Variants in TMEM116 observed in about 807,000 individuals in gnomAD.
TMEM116 encodes the protein transmembrane protein 116.
Under a neutral mutation model 44.3 loss-of-function variants are expected in TMEM116, and 38 were observed. The observed-to-expected ratio is 0.86, with a 90% CI of 0.66 to 1.12. The LOEUF (loss-of-function observed/expected upper bound fraction) is 1.12, where lower values mean the gene tolerates loss of function less well. TMEM116 is among the 50% of genes most tolerant of loss of function. The pLI is 0.00. For missense variants in TMEM116, 354 were observed against 401.7 expected, an observed-to-expected ratio of 0.88 and a Z score of 1.01; for synonymous variants, 132 against 144.8, an observed-to-expected ratio of 0.91 and a Z score of 0.64.
intron 9 of TMEM116, 129 bp from the exon 10 acceptor site, chr12:111,932,788 C>A: frequency 1.4e-6 from 1 of 724,286 alleles, no homozygotes; most frequent in Non-Finnish European, 2.4e-6. Flanking sequence ...GTGACGTTAA[C>A]TTGTTATGCA....
chr12:111,969,193 G>A (rs1396638893), intron 4 of TMEM116, among the ~76,000 whole-genome samples: 4 of 151,082 alleles, frequency 2.6e-5, no homozygotes, highest in Non-Finnish European at 4.4e-5. Flanking sequence ...GGTGGTGCAT[G>A]CCTGTAATCC....
intron 3 of TMEM116, among the ~76,000 whole-genome samples, chr12:111,992,763 T>G (rs938871477): frequency 1.3e-5 from 2 of 152,258 alleles, no homozygotes; most frequent in African/African-American, 4.8e-5. Flanking sequence ...CTTCTCCTTT[T>G]GGCATCCCCA....
At chr12:111,997,269 C>T (rs1023947857) in intron 3 of TMEM116, among the ~76,000 whole-genome samples, 18 of 152,104 alleles carry the variant, frequency 1.2e-4, no homozygotes, top group Admixed American at 7.2e-4. Flanking sequence ...ATTTTAAAGT[C>T]CTGGCCAAGC....
chr12:111,996,435 T>C (rs2076933266), intron 3 of TMEM116, among the ~76,000 whole-genome samples: 1 of 152,122 alleles, frequency 6.6e-6, no homozygotes, highest in Non-Finnish European at 1.5e-5. Context: ...TATGCAAATA[T>C]GCCCTACTTT....
chr12:111,943,878 G>T (rs985587253), intron 4 of TMEM116, among the ~76,000 whole-genome samples: 2 of 152,048 alleles, frequency 1.3e-5, no homozygotes, highest in African/African-American at 2.4e-5. Context: ...AACATGCCCT[G>T]CTTCCTTATT....
At chr12:111,953,008 A>G (rs1388357733) in intron 4 of TMEM116, among the ~76,000 whole-genome samples, 2 of 152,186 alleles carry the variant, frequency 1.3e-5, no homozygotes, top group East Asian at 3.9e-4. Context: ...GTGAAATGAG[A>G]TTATCATATT....
At chr12:111,961,414 C>G (rs926823161) in intron 4 of TMEM116, among the ~76,000 whole-genome samples, 2 of 152,126 alleles carry the variant, frequency 1.3e-5, no homozygotes, top group East Asian at 1.9e-4. Flanking sequence ...AACATCGATG[C>G]GAAAATCCTC....
intron 4 of TMEM116, among the ~76,000 whole-genome samples, chr12:111,944,908 G>C (rs1238149381): frequency 2.0e-5 from 3 of 151,764 alleles, no homozygotes; most frequent in Admixed American, 6.6e-5. Flanking sequence ...GCCCTCACAA[G>C]GCTTAAAAGC....
At chr12:111,947,431 A>G (rs2073375537) in intron 4 of TMEM116, among the ~76,000 whole-genome samples, 1 of 152,198 alleles carries the variant, frequency 6.6e-6, no homozygotes, top group Non-Finnish European at 1.5e-5. Flanking sequence ...CTTACTTGAG[A>G]TGTCAAATTA....
chr12:111,934,749 A>G (rs1453790415), intron 8 of TMEM116: 3 of 151,420 alleles, frequency 2.0e-5, no homozygotes, highest in Admixed American at 1.3e-4. Context: ...AGACCGAGAC[A>G]CCGTCTCAAA....
At chr12:111,983,611 G>A (rs776474582) in intron 4 of TMEM116, among the ~76,000 whole-genome samples, 13 of 151,832 alleles carry the variant, frequency 8.6e-5, no homozygotes, top group Non-Finnish European at 1.6e-4. Context: ...AATAATAATA[G>A]TAATAATAAT....
chr12:111,950,826 C>T (rs1304106000), intron 4 of TMEM116, among the ~76,000 whole-genome samples: 1 of 151,884 alleles, frequency 6.6e-6, no homozygotes, highest in Non-Finnish European at 1.5e-5. Flanking sequence ...GCAAAAATTG[C>T]CAAATGGGAT....
chr12:111,951,157 G>T (rs947545544), intron 4 of TMEM116, among the ~76,000 whole-genome samples: 1 of 151,788 alleles, frequency 6.6e-6, no homozygotes, highest in Non-Finnish European at 1.5e-5. Flanking sequence ...AGAATGGTGT[G>T]GTTACACCAC....
Position 111,931,876 on chromosome 12 carries a change from A to G in TMEM116, c.808-49T>C, listed in dbSNP as rs768378790. ...CAGCCCATGCTTCAGGTTTTCAGGG[A>G]TCCAGGGAATAATTCTCACTCCCCT... On this transcript the variant is annotated intron_variant, in intron 10 of 10. Transcript: ENST00000552374. 5.4e-6 allele frequency: 7 copies of G among 1,303,110 alleles called. No homozygotes were observed. The South Asian group carries it at 1.1e-4, about 20-fold the overall frequency. The allele number at this position is 1,303,110 out of a possible 1,614,324, so 80.7% of individuals were successfully genotyped here.
intron 4 of TMEM116, among the ~76,000 whole-genome samples, chr12:111,990,767 T>C (rs1363924889): frequency 2.0e-5 from 3 of 152,218 alleles, no homozygotes; most frequent in African/African-American, 7.2e-5. Context: ...ATAAAAGATA[T>C]ACAATCCATA....
At chr12:111,936,967 C>G (rs941106670) in intron 7 of TMEM116, 137 bp from the exon 8 acceptor site, 14 of 1,051,838 alleles carry the variant, frequency 1.3e-5, no homozygotes, top group African/African-American at 1.3e-4. Flanking sequence ...CCCCCACAGA[C>G]ACATTATCTT....
chr12:111,985,115 T>C (rs1302832913), intron 4 of TMEM116, among the ~76,000 whole-genome samples: 6 of 152,018 alleles, frequency 3.9e-5, no homozygotes, highest in Admixed American at 1.3e-4. Context: ...CAGAACAAGG[T>C]GAGGATGCCT....
chr12:112,007,133 C>T (rs1211155003), intron 1 of TMEM116, among the ~76,000 whole-genome samples: 2 of 152,120 alleles, frequency 1.3e-5, no homozygotes, highest in Admixed American at 6.6e-5. Flanking sequence ...AAATAAAACA[C>T]GGCCAGTGTG....
At chr12:111,987,524 A>G (rs7294435) in intron 4 of TMEM116, among the ~76,000 whole-genome samples, 10,645 of 150,814 alleles carry the variant, frequency 0.071, 1,249 homozygotes, top group African/African-American at 0.24. Flanking sequence ...AAAAAAAAAA[A>G]GGGGGAAAGG....
Sources: gnomAD v4.1 joint callset for allele counts (sites outside exome capture counted in the v4.1 genomes callset) on GRCh38, gnomAD v4.1.1 for gene constraint, MANE v1.5 for transcripts, NCBI Gene and HGNC (gene_info 2026-07-23, HGNC 2026-07-21) for gene names.